Variants in NIBAN2 observed in about 807,000 individuals in gnomAD.
NIBAN2 encodes the protein protein Niban 2.
A neutral mutation model predicts 81.8 loss-of-function variants in NIBAN2; 36 were observed. That is an observed-to-expected ratio of 0.44 (90% CI 0.34 to 0.58). NIBAN2 has a LOEUF of 0.58. Ranked by LOEUF, NIBAN2 falls within the 20% of genes least tolerant of loss-of-function variation. The probability of loss-of-function intolerance (pLI) is 0.02; values close to 1 mark genes in which losing one functional copy is unlikely to be tolerated. For missense variants in NIBAN2, 897 were observed against 1,014.1 expected (o/e 0.88, Z 1.57); for synonymous variants, 445 against 441.6 (o/e 1.01, Z -0.10).
chr9:127,517,999 A>C lies in NIBAN2; in HGVS notation c.590-58T>G. On this transcript the variant is annotated intron_variant, in intron 5 of 13. Coordinates refer to ENST00000373312, the MANE Select transcript of NIBAN2 (RefSeq NM_022833.4). The surrounding 1 kb of genome is among the most constrained non-coding windows in gnomAD (Gnocchi z 4.0). ...GCAGATGGCCCAGTGGCCTCTACCA[A>C]GACCAACTGAGAACTGACCAAAACC... 1 of 1,161,318 alleles carries C rather than the reference A, an allele frequency of 8.6e-7. No homozygotes were observed. The highest frequency in any genetic ancestry group is 1.2e-6 in the Non-Finnish European group (1 of 816,156). 71.9% of individuals were successfully genotyped at this position (1,161,318 alleles called of 1,614,324 possible).
rs556077969 is a variant in NIBAN2, at chr9:127,549,380, T to C, written c.56-17602A>G. 7.9e-5 allele frequency among the ~76,000 whole-genome samples: 12 copies of C among 150,970 alleles called. 1 individual carries two copies. Among genetic ancestry groups the C allele is most frequent in the Admixed American group, 2.6e-4 (4 of 15,168 alleles). ...CCACACACATGCACTCACATGTGCA[T>C]GCACATGCACGCACACACACTCACA... On this transcript the variant is annotated intron_variant, in intron 1 of 13. Coordinates refer to ENST00000373312, the MANE Select transcript of NIBAN2 (RefSeq NM_022833.4).
intron 2 of NIBAN2, among the ~76,000 whole-genome samples, chr9:127,529,675 T>G (rs1239527644): frequency 6.6e-6 from 1 of 152,006 alleles, no homozygotes; most frequent in African/African-American, 2.4e-5. Flanking sequence ...GCTGTTTTAT[T>G]ATTCTTATTT....
At chr9:127,531,840 TC>T (rs1367153289) in intron 1 of NIBAN2, 62 bp from the exon 2 acceptor site, 3 of 1,601,534 alleles carry the variant, frequency 1.9e-6, no homozygotes, top group Non-Finnish European at 2.6e-6. Flanking sequence ...TCACGATCCT[TC>T]CCCTAGGCAG....
At chr9:127,558,473 G>GA (rs1354147185) in intron 1 of NIBAN2, among the ~76,000 whole-genome samples, 1 of 152,142 alleles carries the variant, frequency 6.6e-6, no homozygotes, top group African/African-American at 2.4e-5. Context: ...TGGGGCATGA[G>GA]AAAAAGGAGG....
chr9:127,539,314 C>A (rs1024344568), intron 1 of NIBAN2, among the ~76,000 whole-genome samples: 1 of 152,152 alleles, frequency 6.6e-6, no homozygotes, highest in African/African-American at 2.4e-5. Flanking sequence ...ACCCGCAATG[C>A]CGCTTTCAAA....
intron 1 of NIBAN2, among the ~76,000 whole-genome samples, chr9:127,566,496 G>A (rs1288525140): frequency 1.3e-5 from 2 of 152,160 alleles, no homozygotes; most frequent in Non-Finnish European, 1.5e-5. Context: ...GAAAGGTGCC[G>A]TGGCAGCAAA....
rs777539851 is a variant in NIBAN2 at position 127,527,338 on chromosome 9, G to T, written c.187-16C>A. Reference sequence around the variant, plus strand: ...CCAGTGGCACCTGTGGGCAGGAGCGGGTGGGGAGTGAGGCCCAGGTCTGGG... The same window carrying T: ...CCAGTGGCACCTGTGGGCAGGAGCGTGTGGGGAGTGAGGCCCAGGTCTGGG... On this transcript the variant is annotated splice_polypyrimidine_tract_variant and intron_variant, in intron 2 of 13. Coordinates refer to ENST00000373312, the MANE Select transcript of NIBAN2 (RefSeq NM_022833.4). 13 of 1,610,996 alleles carry T rather than the reference G, an allele frequency of 8.1e-6. No individual in the cohort carries two copies. In the African/African-American group the frequency reaches 1.6e-4, roughly 20 times the overall value.
At chr9:127,565,946 T>TCTCTCTCTCACA (rs751937125) in intron 1 of NIBAN2, among the ~76,000 whole-genome samples, 2 of 130,618 alleles carry the variant, frequency 1.5e-5, no homozygotes, top group African/African-American at 6.4e-5. Context: ...TCTCTCTCTC[T>TCTCTCTCTCACA]CACACACACA....
chr9:127,513,105 G>A (rs1417596095), intron 8 of NIBAN2, among the ~76,000 whole-genome samples: 1 of 152,168 alleles, frequency 6.6e-6, no homozygotes, highest in East Asian at 1.9e-4. Flanking sequence ...ATTCAGCCAG[G>A]CACAGAAAGA....
chr9:127,539,385 G>A (rs1837336929), intron 1 of NIBAN2, among the ~76,000 whole-genome samples: 1 of 152,124 alleles, frequency 6.6e-6, no homozygotes. Context: ...GGCAACACAA[G>A]GCTTTACTAT....
intron 5 of NIBAN2, among the ~76,000 whole-genome samples, chr9:127,522,023 AGGTCAGC>A (rs771986290): frequency 3.8e-4 from 58 of 152,340 alleles, no homozygotes; most frequent in Non-Finnish European, 6.5e-4. Context: ...CTGCCAGGCC[AGGTCAGC>A]CGTTAGCCTT....
At chr9:127,578,931 A>C in exon 1 of NIBAN2, 1 of 1,610,434 alleles carries the variant, frequency 6.2e-7, no homozygotes, top group Non-Finnish European at 8.5e-7. Flanking sequence ...CCTCCCATCC[A>C]CCCCATCCTC....
chr9:127,556,271 G>A (rs913589225), intron 1 of NIBAN2, among the ~76,000 whole-genome samples: 2 of 151,954 alleles, frequency 1.3e-5, no homozygotes, highest in Non-Finnish European at 2.9e-5. Flanking sequence ...AGACACGGAG[G>A]GGCCCAAACC....
intron 1 of NIBAN2, among the ~76,000 whole-genome samples, chr9:127,549,404 C>T (rs560260987): frequency 2.0e-5 from 3 of 152,244 alleles, no homozygotes; most frequent in African/African-American, 7.2e-5. Context: ...CACACACTCA[C>T]ATGCACGCCC....
intron 5 of NIBAN2, 69 bp from the exon 6 acceptor site, chr9:127,518,010 G>T: frequency 9.9e-7 from 1 of 1,007,268 alleles, no homozygotes; most frequent in Non-Finnish European, 1.5e-6. Context: ...GACCAACTGA[G>T]AACTGACCAA....
At chr9:127,532,261 C>T (rs1837198137) in intron 1 of NIBAN2, among the ~76,000 whole-genome samples, 1 of 152,136 alleles carries the variant, frequency 6.6e-6, no homozygotes, top group Admixed American at 6.5e-5. Context: ...AATGTGATCT[C>T]TAGGGATGAT....
At chr9:127,537,651 G>A (rs543846783) in intron 1 of NIBAN2, among the ~76,000 whole-genome samples, 6 of 152,126 alleles carry the variant, frequency 3.9e-5, no homozygotes, top group East Asian at 1.9e-4. Context: ...CCCCCTTTTC[G>A]CTTTCTGCCA....
At chr9:127,510,095 G>C in intron 9 of NIBAN2, 51 bp downstream of exon 9, 2 of 1,548,418 alleles carry the variant, frequency 1.3e-6, no homozygotes, top group Non-Finnish European at 1.8e-6. Context: ...CTCTGGGACA[G>C]ACCAGACCTA....
At position 127,540,640 on chromosome 9, in the gene NIBAN2, T is replaced by C. The variant is rs538889844; in HGVS notation, c.56-8862A>G. Among the ~76,000 whole-genome samples the C allele has an allele frequency of 2.6e-5, 4 of 152,210 alleles. No individual in the cohort carries two copies. In the East Asian group the frequency reaches 5.8e-4, roughly 22 times the overall value. On this transcript the variant is annotated intron_variant, in intron 1 of 13. Transcript: ENST00000373312. ...TCACTCTGCTGAGAAGAGGCAGAGG[T>C]AGGATCTGCACCCTGGTCCCGACCT...
Sources: allele counts gnomAD v4.1 joint callset (sites outside exome capture counted in the v4.1 genomes callset), GRCh38; gene constraint gnomAD v4.1.1; non-coding constraint Gnocchi (gnomAD v3.1); transcripts MANE v1.5; gene names NCBI Gene and HGNC (gene_info 2026-07-23, HGNC 2026-07-21).